The following MFN1 variants were observed in gnomAD, a reference collection of about 807,000 sequenced individuals.
The protein encoded by MFN1 is mitofusin 1.
In MFN1, 65 loss-of-function variants were observed where a neutral mutation model predicts 92.4. The ratio of observed to expected loss-of-function variants is 0.70; its 90% CI spans 0.58 to 0.86. MFN1 has a LOEUF of 0.86. MFN1 is among the 40% of genes least tolerant of loss of function. The pLI is 0.00. For missense variants in MFN1, 781 were observed against 868.0 expected, an observed-to-expected ratio of 0.90 and a Z score of 1.26; for synonymous variants, 297 against 300.9, an observed-to-expected ratio of 0.99 and a Z score of 0.13.
chr3:179,378,443 G>C lies in MFN1; in HGVS notation c.1432G>C (p.Glu478Gln). 1.3e-6 allele frequency: 2 copies of C among 1,587,656 alleles called. No individual in the cohort carries two copies. Among genetic ancestry groups the C allele is most frequent in the Non-Finnish European group, 1.7e-6 (2 of 1,171,618 alleles). The part of the protein sequence containing the change: ...LVLQTQQEII[E>Q]NLKPLLPAGI... ...GCTTCAGACCCAGCAAGAAATTATTGGTAATATTTATGTCTACAAGGTCAT... is the reference window on the plus strand; with the variant it reads ...GCTTCAGACCCAGCAAGAAATTATTCGTAATATTTATGTCTACAAGGTCAT... The change falls in exon 13 of 18, where the codon GAA becomes CAA. Residue 478 changes from glutamate to glutamine, a missense_variant and splice_region_variant. Coordinates refer to ENST00000471841, the MANE Select transcript of MFN1 (RefSeq NM_033540.3).
At chr3:179,363,970 T>C (rs538189717) in intron 5 of MFN1, among the ~76,000 whole-genome samples, 2 of 152,286 alleles carry the variant, frequency 1.3e-5, no homozygotes, top group East Asian at 3.9e-4. Flanking sequence ...GTATATTAAA[T>C]TTATATTTTT....
intron 7 of MFN1, 92 bp downstream of exon 7, chr3:179,365,317 A>T: frequency 2.8e-6 from 2 of 715,518 alleles, no homozygotes; most frequent in Non-Finnish European, 4.4e-6. Context: ...ATAGAAAATT[A>T]TAAGAGCTAT....
rs144347697 is a variant in MFN1 at position 179,356,988 on chromosome 3, A to G, written c.249-1852A>G. Among the ~76,000 whole-genome samples, 89 of 152,248 alleles carry G rather than the reference A, an allele frequency of 5.8e-4. 1 individual carries two copies. The highest frequency in any genetic ancestry group is 2.1e-3 in the African/African-American group (89 of 41,550). Reference sequence around the variant, plus strand: ...TTAGGGTTTTTAAGGTTTTTGGAGTACCCAAAGTGTAGAGGTCGTTGATTG... The same window carrying G: ...TTAGGGTTTTTAAGGTTTTTGGAGTGCCCAAAGTGTAGAGGTCGTTGATTG... On this transcript the variant is annotated intron_variant, in intron 3 of 17. Transcript: ENST00000471841.
intron 1 of MFN1, chr3:179,348,059 C>T (rs532208579): frequency 8.5e-5 from 12 of 140,698 alleles, no homozygotes; most frequent in Non-Finnish European, 9.3e-5. Flanking sequence ...GTGCGCGGGG[C>T]GGGGGTGGGC....
In MFN1 at chr3:179,357,920, C is replaced by G. The variant is rs576625424; in HGVS notation, c.249-920C>G. Among the ~76,000 whole-genome samples the G allele has an allele frequency of 1.4e-4, 22 of 152,230 alleles. No individual in the cohort carries two copies. In the South Asian group the frequency reaches 4.6e-3, roughly 32 times the overall value. On this transcript the variant is annotated intron_variant, in intron 3 of 17. Transcript: ENST00000471841. ...TGGTTGAAATGATCTTAAATCTTCA[C>G]TCACATGTCTGGGACCTGGGCTGGA...
In MFN1 at chr3:179,360,780, A is replaced by ACT. The variant is rs561728836; in HGVS notation, c.412-1576_412-1575dup. Among the ~76,000 whole-genome samples, 10 of 152,248 alleles carry ACT rather than the reference A, an allele frequency of 6.6e-5. No individual in the cohort carries two copies. In the South Asian group the frequency reaches 2.1e-3, roughly 32 times the overall value. On this transcript the variant is annotated intron_variant, in intron 4 of 17. Coordinates refer to ENST00000471841, the MANE Select transcript of MFN1 (RefSeq NM_033540.3). ...TTTGCTCTTTGATGTAAATCAGGTA[A>ACT]CTCAATCTGTAAGTTTTAGAATAAG...
At chr3:179,389,905 G>T (rs980710697) in intron 16 of MFN1, 99 bp from the exon 17 acceptor site, 6 of 1,172,408 alleles carry the variant, frequency 5.1e-6, no homozygotes, top group Admixed American at 2.5e-5. Flanking sequence ...TAGTTTAGAA[G>T]TTTTTTAAAA....
intron 12 of MFN1, 70 bp from the exon 13 acceptor site, chr3:179,378,270 AT>A: frequency 8.5e-7 from 1 of 1,181,298 alleles, no homozygotes; most frequent in Non-Finnish European, 1.2e-6. Context: ...TTTACTGAAT[AT>A]TTTATGTCTT....
Position 179,366,832 on chromosome 3 carries a change from C to T in MFN1, c.754-607C>T, listed in dbSNP as rs372817554. Among the ~76,000 whole-genome samples the T allele has an allele frequency of 2.0e-4, 30 of 152,254 alleles. No homozygotes were observed. In the South Asian group the frequency reaches 6.0e-3, roughly 30 times the overall value. ...CTAGTACTAAATCCTAACTTCTAAC[C>T]CTTAATCTTCACTTCAGTGCCCAAG... On this transcript the variant is annotated intron_variant, in intron 7 of 17. Coordinates refer to ENST00000471841, the MANE Select transcript of MFN1 (RefSeq NM_033540.3).
intron 9 of MFN1, among the ~76,000 whole-genome samples, chr3:179,373,824 C>G (rs979525663): frequency 2.6e-5 from 4 of 151,906 alleles, no homozygotes; most frequent in Admixed American, 6.6e-5. Context: ...CAAGCGCGTG[C>G]CACCATACCC....
At chr3:179,355,499 G>A (rs1712314397) in intron 3 of MFN1, among the ~76,000 whole-genome samples, 1 of 152,144 alleles carries the variant, frequency 6.6e-6, no homozygotes, top group Non-Finnish European at 1.5e-5. Flanking sequence ...AAGGCAGTTG[G>A]AAATATGAGA....
At chr3:179,367,682 T>C (rs926422629) in intron 8 of MFN1, 90 bp downstream of exon 8, 6 of 1,188,300 alleles carry the variant, frequency 5.0e-6, no homozygotes, top group Middle Eastern at 2.9e-4. Flanking sequence ...CCCAGCACTT[T>C]GGAAGGCTGA....
At chr3:179,356,924 G>A (rs9822271) in intron 3 of MFN1, among the ~76,000 whole-genome samples, 1 of 151,926 alleles carries the variant, frequency 6.6e-6, no homozygotes, top group African/African-American at 2.4e-5. Flanking sequence ...ATGAGGAGAT[G>A]GGGGGGAACC....
At chr3:179,369,603 T>A (rs1032632759) in intron 9 of MFN1, among the ~76,000 whole-genome samples, 1 of 152,124 alleles carries the variant, frequency 6.6e-6, no homozygotes, top group Admixed American at 6.6e-5. Flanking sequence ...GAATAAGATA[T>A]GCTGTAGGGA....
At chr3:179,378,113 A>G (rs1288431034) in intron 12 of MFN1, 1 of 507,350 alleles carries the variant, frequency 2.0e-6, no homozygotes, top group East Asian at 3.5e-5. Flanking sequence ...AGTCCCAGTT[A>G]CTCAGGAGTC....
At chr3:179,378,272 T>G (rs1233004082) in intron 12 of MFN1, 69 bp from the exon 13 acceptor site, 6 of 1,194,754 alleles carry the variant, frequency 5.0e-6, no homozygotes, top group Non-Finnish European at 7.2e-6. Flanking sequence ...TACTGAATAT[T>G]TTATGTCTTT....
At chr3:179,385,754 C>A (rs751476271) in intron 15 of MFN1, 33 bp downstream of exon 15, 8 of 1,599,732 alleles carry the variant, frequency 5.0e-6, no homozygotes, top group Admixed American at 1.7e-5. Flanking sequence ...TAATTAAAAT[C>A]GAAATGTTTG....
Position 179,390,032 on chromosome 3 carries a change from T to TTAA in MFN1, c.2041_2042insTAA (p.Cys681delinsLeuSer). 1 of 1,604,250 alleles carries TTAA rather than the reference T, an allele frequency of 6.2e-7. No homozygotes were observed. Among genetic ancestry groups the TTAA allele is most frequent in the Non-Finnish European group, 8.5e-7 (1 of 1,177,296 alleles). On this transcript the variant is annotated protein_altering_variant, in exon 17 of 18. Coordinates refer to ENST00000471841, the MANE Select transcript of MFN1 (RefSeq NM_033540.3). ...AATAGCTACCACTTTTGCTCGCCTG[T>TTAA]GCCAACAAGTTGATATTACTCAAAA...
chr3:179,363,494 ATTT>A (rs766420716), intron 5 of MFN1, among the ~76,000 whole-genome samples: 1 of 146,000 alleles, frequency 6.8e-6, no homozygotes, highest in African/African-American at 2.5e-5. Context: ...TTACCACGTG[ATTT>A]TTTTTTTTTT....
Sources: allele counts gnomAD v4.1 joint callset (sites outside exome capture counted in the v4.1 genomes callset), GRCh38; gene constraint gnomAD v4.1.1; transcripts MANE v1.5; gene names NCBI Gene and HGNC (gene_info 2026-07-23, HGNC 2026-07-21).